The following PAK1 variants were observed in gnomAD, a reference collection of about 807,000 sequenced individuals.
The protein encoded by PAK1 is serine/threonine-protein kinase PAK 1.
Under a neutral mutation model 67.4 loss-of-function variants are expected in PAK1, and 29 were observed. The observed-to-expected ratio is 0.43, with a 90% CI of 0.32 to 0.59. The LOEUF (loss-of-function observed/expected upper bound fraction) is 0.59, where lower values mean the gene tolerates loss of function less well. PAK1 is among the 20% of genes least tolerant of loss of function. The probability of loss-of-function intolerance (pLI) is 0.07; values close to 1 mark genes in which losing one functional copy is unlikely to be tolerated. For synonymous variants in PAK1, 223 were observed against 237.4 expected (o/e 0.94, Z 0.56); for missense variants, 337 against 670.7 (o/e 0.50, Z 5.50).
chr11:77,379,112 C>T, intron 4 of PAK1, 129 bp downstream of exon 4: 2 of 780,930 alleles, frequency 2.6e-6, no homozygotes, highest in South Asian at 2.2e-5. Flanking sequence ...TCCAAAATTC[C>T]ACGTTAAAGT....
At chr11:77,500,952 A>G in the PAK1 span, among the ~76,000 whole-genome samples, 2 of 152,016 alleles carry the variant, frequency 1.3e-5, no homozygotes, top group Non-Finnish European at 2.9e-5. Flanking sequence ...GCAGATCCAC[A>G]TTCAAAACTT....
intron 4 of PAK1, among the ~76,000 whole-genome samples, chr11:77,378,867 C>A (rs915953189): frequency 2.0e-5 from 3 of 152,164 alleles, no homozygotes; most frequent in Non-Finnish European, 2.9e-5. Flanking sequence ...GGATTACAGG[C>A]GTGAGGCACT....
chr11:77,510,164 A>G, the PAK1 span, among the ~76,000 whole-genome samples: 1 of 152,186 alleles, frequency 6.6e-6, no homozygotes, highest in Non-Finnish European at 1.5e-5. Context: ...TTTCACCAGT[A>G]GCATTTTTGT....
intron 1 of PAK1, among the ~76,000 whole-genome samples, chr11:77,403,341 A>G (rs1165036311): frequency 2.0e-5 from 3 of 152,188 alleles, no homozygotes; most frequent in African/African-American, 7.2e-5. Context: ...AACAGCCACA[A>G]TGATGATCAT....
chr11:77,495,335 G>A, the PAK1 span, among the ~76,000 whole-genome samples: 13 of 151,602 alleles, frequency 8.6e-5, no homozygotes, highest in East Asian at 3.9e-4. Context: ...TTAGCCAGGC[G>A]CGGTGGTGCA....
chr11:77,428,507 G>A (rs996120461), intron 1 of PAK1, among the ~76,000 whole-genome samples: 1 of 151,926 alleles, frequency 6.6e-6, no homozygotes, highest in Non-Finnish European at 1.5e-5. Flanking sequence ...AGGAGGCGGA[G>A]GTTGCAGTGA....
intron 1 of PAK1, among the ~76,000 whole-genome samples, chr11:77,409,304 G>C (rs140616076): frequency 2.7e-4 from 41 of 152,178 alleles, no homozygotes; most frequent in African/African-American, 9.6e-4. Flanking sequence ...GGCAATAACA[G>C]ATGCTGGCAA....
chr11:77,495,482 A>T, the PAK1 span, among the ~76,000 whole-genome samples: 5 of 152,174 alleles, frequency 3.3e-5, no homozygotes, highest in African/African-American at 4.8e-5. Context: ...TCAAAAAAAT[A>T]AAGTAAAGTA....
the PAK1 span, among the ~76,000 whole-genome samples, chr11:77,518,957 A>G: frequency 6.6e-6 from 1 of 152,104 alleles, no homozygotes; most frequent in Non-Finnish European, 1.5e-5. Context: ...TGCTTCATGT[A>G]TCCCTCTCCT....
chr11:77,377,772 A>G (rs541598609), intron 4 of PAK1, among the ~76,000 whole-genome samples: 1 of 152,342 alleles, frequency 6.6e-6, no homozygotes, highest in South Asian at 2.1e-4. Context: ...GTTTTCAAAG[A>G]CAGCCTCTAA....
Position 77,473,623 on chromosome 11 carries a change from G to A in PAK1, c.-93C>T, listed in dbSNP as rs1316155139. On this transcript the variant is annotated 5_prime_UTR_variant, in exon 1 of 15. Coordinates refer to ENST00000356341, the MANE Select transcript of PAK1 (RefSeq NM_002576.5). ...CGGTGGGTGCCGCCTAGCCGGGAGT[G>A]AGGGCGCGAGTGTGCGCGAGCTACC... 1 of 152,628 alleles carries A rather than the reference G, an allele frequency of 6.6e-6. No homozygotes were observed. Among genetic ancestry groups the A allele is most frequent in the African/African-American group, 2.4e-5 (1 of 41,410 alleles). The allele number at this position is 152,628 out of a possible 1,614,324, so 9.5% of individuals were successfully genotyped here. A position where few individuals can be genotyped will look rare whatever the true frequency, so the allele number is the denominator to read the frequency against.
intron 1 of PAK1, among the ~76,000 whole-genome samples, chr11:77,427,721 T>G (rs537561476): frequency 6.6e-6 from 1 of 152,042 alleles, no homozygotes; most frequent in Non-Finnish European, 1.5e-5. Context: ...AAACAGCTGA[T>G]TGTGAAAAGA....
At chr11:77,506,365 C>G in the PAK1 span, among the ~76,000 whole-genome samples, 1 of 152,146 alleles carries the variant, frequency 6.6e-6, no homozygotes, top group Non-Finnish European at 1.5e-5. Context: ...CAAAAAATTG[C>G]CCAAGGTCAT....
At chr11:77,324,335 G>C (rs941390265) in intron 14 of PAK1, among the ~76,000 whole-genome samples, 1 of 151,902 alleles carries the variant, frequency 6.6e-6, no homozygotes, top group African/African-American at 2.4e-5. Flanking sequence ...ACCACACCTG[G>C]CTAATTTTTG....
the PAK1 span, among the ~76,000 whole-genome samples, chr11:77,524,603 C>T: frequency 6.6e-6 from 1 of 152,204 alleles, no homozygotes; most frequent in East Asian, 1.9e-4. Flanking sequence ...GAGAAGGGCA[C>T]ACATCTTATT....
chr11:77,416,230 C>T (rs1954944499), intron 1 of PAK1, among the ~76,000 whole-genome samples: 1 of 152,198 alleles, frequency 6.6e-6, no homozygotes, highest in South Asian at 2.1e-4. Context: ...TCACTTGTCT[C>T]AGCCTCCCAA....
At chr11:77,481,894 C>T in the PAK1 span, among the ~76,000 whole-genome samples, 1 of 152,094 alleles carries the variant, frequency 6.6e-6, no homozygotes, top group East Asian at 1.9e-4. Context: ...TGGAACAGTG[C>T]TGTACTTATT....
the PAK1 span, among the ~76,000 whole-genome samples, chr11:77,485,778 A>C: frequency 3.2e-4 from 48 of 152,124 alleles, no homozygotes; most frequent in Non-Finnish European, 5.9e-4. Context: ...CCTGGCCTAA[A>C]CTTCTTAATG....
chr11:77,349,382 TC>T (rs1684812750), intron 8 of PAK1, 95 bp from the exon 9 acceptor site: 3 of 927,714 alleles, frequency 3.2e-6, no homozygotes, highest in Non-Finnish European at 5.2e-6. Context: ...TCTGTGAGTG[TC>T]AAAAACAAGA....
Sources: gnomAD v4.1 joint callset for allele counts (sites outside exome capture counted in the v4.1 genomes callset) on GRCh38, gnomAD v4.1.1 for gene constraint, MANE v1.5 for transcripts, NCBI Gene and HGNC (gene_info 2026-07-23, HGNC 2026-07-21) for gene names.